The following MOCOS variants were observed in gnomAD, a reference collection of about 807,000 sequenced individuals.
MOCOS encodes the protein molybdenum cofactor sulfurase.
A neutral mutation model predicts 83.6 loss-of-function variants in MOCOS; 86 were observed. The observed-to-expected ratio is 1.03, with a 90% CI of 0.86 to 1.23. MOCOS has a LOEUF of 1.23. MOCOS is among the 50% of genes most tolerant of loss of function. The pLI, the probability that MOCOS is intolerant of heterozygous loss-of-function variation, is 0.00. For synonymous variants in MOCOS, 445 were observed against 434.7 expected, an observed-to-expected ratio of 1.02 and a Z score of -0.29; for missense variants, 1,120 against 1,126.9, an observed-to-expected ratio of 0.99 and a Z score of 0.09.
At chr18:36,261,835 C>G (rs573769971) in intron 13 of MOCOS, among the ~76,000 whole-genome samples, 59 of 152,094 alleles carry the variant, frequency 3.9e-4, no homozygotes, top group African/African-American at 1.4e-3. Context: ...AAAAAAATGC[C>G]TACTGTTACA....
chr18:36,230,233 G>C lies in MOCOS; in HGVS notation c.1960+10016G>C, dbSNP rs116897395. ...GAGTAGCTGGGTTTACAGCTGGTGTGCACCACTACACCAGGCTAATTTTTT... is the reference window on the plus strand; with the variant it reads ...GAGTAGCTGGGTTTACAGCTGGTGTCCACCACTACACCAGGCTAATTTTTT... On this transcript the variant is annotated intron_variant, in intron 9 of 14. Transcript: ENST00000261326. Among the ~76,000 whole-genome samples, 28 of 152,082 alleles carry C rather than the reference G, an allele frequency of 1.8e-4. No individual in the cohort carries two copies. The East Asian group carries it at 4.7e-3, about 25-fold the overall frequency.
At chr18:36,248,866 C>A in intron 9 of MOCOS, 56 bp from the exon 10 acceptor site, 3 of 1,417,032 alleles carry the variant, frequency 2.1e-6, no homozygotes, top group South Asian at 2.3e-5. Context: ...ATTTTGAAGT[C>A]AAGTAGCTGT....
rs780120200 is a variant in MOCOS at position 36,218,335 on chromosome 18, G to GT, written c.1798-1720_1798-1719insT. On this transcript the variant is annotated intron_variant, in intron 8 of 14. Transcript: ENST00000261326. ...GTCAAATTTAATTTTACCTTTTATG[G>GT]CTTTTTTTTTTTCTTTTAGAGAAAC... is the stretch of plus-strand genomic sequence containing the variant. Among the ~76,000 whole-genome samples, 746 of 148,758 alleles carry GT rather than the reference G, an allele frequency of 5.0e-3. 7 individuals are homozygous for GT. Among genetic ancestry groups the GT allele is most frequent in the African/African-American group, 0.013 (543 of 40,876 alleles).
intron 9 of MOCOS, among the ~76,000 whole-genome samples, chr18:36,239,282 C>T (rs2144941466): frequency 6.6e-6 from 1 of 151,464 alleles, no homozygotes; most frequent in South Asian, 2.1e-4. Context: ...CCAGTTTTTC[C>T]TTTCCATGTT....
chr18:36,223,247 C>G (rs754436273), intron 9 of MOCOS, among the ~76,000 whole-genome samples: 2 of 152,096 alleles, frequency 1.3e-5, no homozygotes, highest in Non-Finnish European at 2.9e-5. Context: ...ATCTCTAATC[C>G]ATTTGAGTTG....
chr18:36,202,512 C>A (rs980934220), intron 4 of MOCOS, among the ~76,000 whole-genome samples: 3 of 152,148 alleles, frequency 2.0e-5, no homozygotes, highest in African/African-American at 7.2e-5. Flanking sequence ...AAATTTAGAG[C>A]AGCCCAAGAA....
rs1271406389 is a variant in MOCOS, at chr18:36,236,569, G to A, written c.1961-12353G>A. Among the ~76,000 whole-genome samples the A allele has an allele frequency of 3.5e-5, 4 of 112,930 alleles. No homozygotes were observed. The East Asian group carries it at 6.9e-4, about 20-fold the overall frequency. 74.1% of individuals were successfully genotyped at this position (112,930 alleles called of 152,430 possible). A position where few individuals can be genotyped will look rare whatever the true frequency, so the allele number is the denominator to read the frequency against. On this transcript the variant is annotated intron_variant, in intron 9 of 14. Coordinates refer to ENST00000261326, the MANE Select transcript of MOCOS (RefSeq NM_017947.4). ...ATAGTTTGAAGTCAGGTAGTGTGAT[G>A]CCTCCAGCTTTGTTCTTTTGGCTTA...
chr18:36,213,964 G>A (rs551148879), intron 7 of MOCOS, among the ~76,000 whole-genome samples: 215 of 150,712 alleles, frequency 1.4e-3, no homozygotes, highest in African/African-American at 4.9e-3. Flanking sequence ...AGAAGAAGCC[G>A]GGCACGGTGG....
intron 9 of MOCOS, among the ~76,000 whole-genome samples, chr18:36,232,907 C>G (rs1371235021): frequency 6.7e-6 from 1 of 150,066 alleles, no homozygotes; most frequent in African/African-American, 2.5e-5. Context: ...TTTATCCATT[C>G]ATTAATTGAT....
At chr18:36,257,121 A>ATG in intron 12 of MOCOS, 48 bp downstream of exon 12, 2 of 1,527,436 alleles carry the variant, frequency 1.3e-6, no homozygotes. Context: ...ACCATTTGCC[A>ATG]CTGGGAGCAG....
chr18:36,254,456 CTCTGTG>C lies in MOCOS; in HGVS notation c.2165-2510_2165-2505del, dbSNP rs1167217361. Among the ~76,000 whole-genome samples, 418 of 90,122 alleles carry C rather than the reference CTCTGTG, an allele frequency of 4.6e-3. 2 individuals carry two copies. The highest frequency in any genetic ancestry group is 0.02 in the African/African-American group (391 of 19,968). The allele number at this position is 90,122 out of a possible 152,430, so 59.1% of individuals were successfully genotyped here. ...GAGTATTCATTACAAAATACATTAT[CTCTGTG>C]TGTGTGTGTGTGTGTGTGTGTGTGT... On this transcript the variant is annotated intron_variant, in intron 11 of 14. Coordinates refer to ENST00000261326, the MANE Select transcript of MOCOS (RefSeq NM_017947.4).
intron 9 of MOCOS, among the ~76,000 whole-genome samples, 184 bp downstream of exon 9, chr18:36,220,401 C>T (rs1055725199): frequency 4.6e-5 from 7 of 151,162 alleles, no homozygotes; most frequent in Non-Finnish European, 7.4e-5. Context: ...CTCAGCTACT[C>T]AGGAGGCTGA....
rs1194586609 is a variant in MOCOS, at chr18:36,270,777, A to G, written c.*2092A>G. The G allele has an allele frequency of 6.6e-6, 1 of 151,080 alleles. No individual in the cohort carries two copies. Among genetic ancestry groups the G allele is most frequent in the Non-Finnish European group, 1.5e-5 (1 of 67,896 alleles). The allele number at this position is 151,080 out of a possible 1,614,324, so 9.4% of individuals were successfully genotyped here. On this transcript the variant is annotated 3_prime_UTR_variant, in exon 15 of 15. Coordinates refer to ENST00000261326, the MANE Select transcript of MOCOS (RefSeq NM_017947.4). ...GAATATGTTTTTCTTATCCACGTCT[A>G]TGTCACCTTTTGCAGTAGATACTTT...
intron 9 of MOCOS, among the ~76,000 whole-genome samples, chr18:36,236,511 A>C (rs1428422663): frequency 6.6e-5 from 6 of 90,486 alleles, no homozygotes; most frequent in Non-Finnish European, 1.3e-4. Flanking sequence ...TGGTACCAGT[A>C]CCATGCTGTT....
chr18:36,221,571 A>G (rs1206781778), intron 9 of MOCOS, among the ~76,000 whole-genome samples: 1 of 151,664 alleles, frequency 6.6e-6, no homozygotes, highest in East Asian at 1.9e-4. Context: ...TAACATTTCC[A>G]TATATTCACG....
intron 4 of MOCOS, among the ~76,000 whole-genome samples, chr18:36,202,711 G>A (rs2091419215): frequency 6.6e-6 from 1 of 152,170 alleles, no homozygotes; most frequent in African/African-American, 2.4e-5. Context: ...ATAAACAAAG[G>A]AGGTTTAATT....
rs200895405 is a variant in MOCOS at position 36,205,175 on chromosome 18, C to A, written c.1117C>A (p.Arg373=). 44 of 1,613,598 alleles carry A rather than the reference C, an allele frequency of 2.7e-5. No individual in the cohort carries two copies. The highest frequency in any genetic ancestry group is 3.3e-4 in the Middle Eastern group (2 of 6,084). Reference sequence around the variant, plus strand: ...GTACCCCAATGGAGCCCCTGTGGTGCGGATTTACAGCGATTCTGAGTTCAG... The same window carrying A: ...GTACCCCAATGGAGCCCCTGTGGTGAGGATTTACAGCGATTCTGAGTTCAG... ...LQYPNGAPVV[R]IYSDSEFSSP... is the part of the protein sequence containing the mutation. Residue 373 remains arginine, a synonymous_variant, in exon 6 of 15, where the codon CGG becomes AGG. Coordinates refer to ENST00000261326, the MANE Select transcript of MOCOS (RefSeq NM_017947.4).
At chr18:36,267,849 A>G (rs1025268259) in intron 14 of MOCOS, among the ~76,000 whole-genome samples, 1 of 152,240 alleles carries the variant, frequency 6.6e-6, no homozygotes, top group African/African-American at 2.4e-5. Context: ...TTTTAGATTT[A>G]CGGAACAGTT....
At chr18:36,228,097 A>G (rs2091524473) in intron 9 of MOCOS, among the ~76,000 whole-genome samples, 1 of 152,258 alleles carries the variant, frequency 6.6e-6, no homozygotes, top group South Asian at 2.1e-4. Context: ...ATCACTGATC[A>G]TTAGAGAAAT....
Sources: allele counts gnomAD v4.1 joint callset (sites outside exome capture counted in the v4.1 genomes callset), GRCh38; gene constraint gnomAD v4.1.1; transcripts MANE v1.5; gene names NCBI Gene and HGNC (gene_info 2026-07-23, HGNC 2026-07-21).